EYS: variants seen among roughly 807,000 people sequenced by gnomAD.
EYS encodes protein eyes shut homolog.
A neutral mutation model predicts 282.1 loss-of-function variants in EYS; 250 were observed. The observed-to-expected ratio is 0.89, with a 90% CI of 0.80 to 0.98. EYS has a LOEUF of 0.98. Among genes scored for constraint, EYS ranks in the 50% least tolerant of loss-of-function variants. The probability of loss-of-function intolerance (pLI) is 0.00; values close to 1 mark genes in which losing one functional copy is unlikely to be tolerated. For synonymous variants in EYS, 1,355 were observed against 1,282.9 expected, an observed-to-expected ratio of 1.06 and a Z score of -1.20; for missense variants, 4,016 against 3,709.0, an observed-to-expected ratio of 1.08 and a Z score of -2.15.
intron 26 of EYS, among the ~76,000 whole-genome samples, chr6:64,480,165 T>C (rs1412226732): frequency 6.6e-6 from 1 of 151,966 alleles, no homozygotes; most frequent in Non-Finnish European, 1.5e-5. Context: ...GTAACTCATG[T>C]AATACTCATT....
At chr6:65,089,500 A>T (rs2150176589) in intron 12 of EYS, among the ~76,000 whole-genome samples, 1 of 152,192 alleles carries the variant, frequency 6.6e-6, no homozygotes, top group Non-Finnish European at 1.5e-5. Context: ...AATTTCTCCC[A>T]TTTGGAATGG....
At chr6:65,614,615 G>T (rs1766120244) in intron 2 of EYS, among the ~76,000 whole-genome samples, 1 of 152,018 alleles carries the variant, frequency 6.6e-6, no homozygotes, top group African/African-American at 2.4e-5. Context: ...TGAACTAGGT[G>T]TACTTAAAAT....
chr6:65,442,574 A>G (rs1055779159), intron 5 of EYS, among the ~76,000 whole-genome samples: 6 of 151,800 alleles, frequency 4.0e-5, no homozygotes, highest in African/African-American at 1.5e-4. Context: ...TAACATAGTG[A>G]AACCCCGTCT....
intron 12 of EYS, among the ~76,000 whole-genome samples, chr6:65,203,678 T>C (rs1430382747): frequency 6.6e-6 from 1 of 152,112 alleles, no homozygotes; most frequent in African/African-American, 2.4e-5. Context: ...ACGGATATTA[T>C]GACACATGTT....
Position 65,181,566 on chromosome 6 carries a change from T to C in EYS, c.2023+114297A>G, listed in dbSNP as rs183615003. ...TAAAAAGTCAGGAAACAACAGGTGC[T>C]GGAGAGGATATGGAGAAATAGGAAC... On this transcript the variant is annotated intron_variant, in intron 12 of 42. Transcript: ENST00000503581. 3.8e-3 allele frequency among the ~76,000 whole-genome samples: 585 copies of C among 152,210 alleles called. 1 individual carries two copies. Among genetic ancestry groups the C allele is most frequent in the Middle Eastern group, 0.01 (3 of 294 alleles).
intron 22 of EYS, among the ~76,000 whole-genome samples, chr6:64,636,719 C>A (rs1201176311): frequency 1.3e-5 from 2 of 152,062 alleles, no homozygotes; most frequent in Admixed American, 6.5e-5. Context: ...CCAGAATCTA[C>A]AATGAACTCA....
Position 64,331,372 on chromosome 6 carries a change from C to T in EYS, c.6079-24290G>A, listed in dbSNP as rs112769241. 4.2e-3 allele frequency among the ~76,000 whole-genome samples: 643 copies of T among 152,020 alleles called. 5 individuals carry two copies. Among genetic ancestry groups the T allele is most frequent in the African/African-American group, 0.014 (597 of 41,462 alleles). On this transcript the variant is annotated intron_variant, in intron 29 of 42. Transcript: ENST00000503581. Reference sequence around the variant, plus strand: ...AAGGGCATCAAACAGGAGGGCGTGACGAGGCTAGAGGAAACAGAAAGGCGA... The same window carrying T: ...AAGGGCATCAAACAGGAGGGCGTGATGAGGCTAGAGGAAACAGAAAGGCGA...
At chr6:65,434,134 C>A (rs1040082121) in intron 5 of EYS, among the ~76,000 whole-genome samples, 12 of 152,138 alleles carry the variant, frequency 7.9e-5, no homozygotes, top group Non-Finnish European at 1.0e-4. Flanking sequence ...GTGAATAGTG[C>A]AGCATAGTGC....
intron 8 of EYS, among the ~76,000 whole-genome samples, chr6:65,361,657 A>G (rs1232780095): frequency 6.6e-6 from 1 of 151,838 alleles, no homozygotes; most frequent in Non-Finnish European, 1.5e-5. Flanking sequence ...CTATTTACAT[A>G]TTTTGTAGAA....
At chr6:65,184,018 A>G (rs1407013604) in intron 12 of EYS, among the ~76,000 whole-genome samples, 1 of 151,266 alleles carries the variant, frequency 6.6e-6, no homozygotes, top group Non-Finnish European at 1.5e-5. Flanking sequence ...ATTTGACTAA[A>G]GTAAATTCAT....
intron 23 of EYS, among the ~76,000 whole-genome samples, chr6:64,624,934 G>A (rs1000829138): frequency 4.6e-5 from 7 of 152,112 alleles, no homozygotes; most frequent in Non-Finnish European, 8.8e-5. Flanking sequence ...GCTATCCACA[G>A]ATACAATCAA....
chr6:64,776,908 C>A (rs1017787754), intron 22 of EYS, among the ~76,000 whole-genome samples: 12 of 152,098 alleles, frequency 7.9e-5, no homozygotes, highest in African/African-American at 2.7e-4. Flanking sequence ...GCTATAAGGA[C>A]ATGCCTGAGG....
intron 35 of EYS, among the ~76,000 whole-genome samples, chr6:63,911,642 A>G (rs1562092622): frequency 6.6e-6 from 1 of 152,250 alleles, no homozygotes; most frequent in Non-Finnish European, 1.5e-5. Flanking sequence ...CTTGTTAGAT[A>G]TTATGGTCTC....
At chr6:65,383,636 C>T (rs573815710) in intron 8 of EYS, among the ~76,000 whole-genome samples, 1 of 151,350 alleles carries the variant, frequency 6.6e-6, no homozygotes, top group South Asian at 2.1e-4. Flanking sequence ...TTTGTACTCT[C>T]CCTGATTTCA....
At chr6:65,065,885 C>T (rs1773730352) in intron 12 of EYS, among the ~76,000 whole-genome samples, 1 of 152,146 alleles carries the variant, frequency 6.6e-6, no homozygotes, top group Non-Finnish European at 1.5e-5. Flanking sequence ...TTCCTATGGT[C>T]CTTGCTATTA....
chr6:64,108,674 G>A lies in EYS; in HGVS notation c.6425-26672C>T, dbSNP rs528206406. On this transcript the variant is annotated intron_variant, in intron 31 of 42. Transcript: ENST00000503581. ...TAAAATGTCACCTGACTCTGAAAAGGTTATGGAAGAATGACTCCCACACAG... is the reference window on the plus strand; with the variant it reads ...TAAAATGTCACCTGACTCTGAAAAGATTATGGAAGAATGACTCCCACACAG... Among the ~76,000 whole-genome samples, 10 of 151,994 alleles carry A rather than the reference G, an allele frequency of 6.6e-5. No homozygotes were observed. In the South Asian group the frequency reaches 1.0e-3, roughly 16 times the overall value.
intron 1 of EYS, among the ~76,000 whole-genome samples, chr6:65,652,096 T>G (rs960602423): frequency 6.6e-6 from 1 of 151,774 alleles, no homozygotes; most frequent in Non-Finnish European, 1.5e-5. Context: ...AAAACAACTA[T>G]AAAAATGTGT....
At chr6:65,400,809 T>C (rs1031193894) in intron 7 of EYS, among the ~76,000 whole-genome samples, 2 of 151,912 alleles carry the variant, frequency 1.3e-5, no homozygotes, top group Non-Finnish European at 2.9e-5. Context: ...TTGACTCCTT[T>C]TCACCTTGAC....
intron 22 of EYS, among the ~76,000 whole-genome samples, chr6:64,674,516 T>C (rs9342366): frequency 0.015 from 2,291 of 152,208 alleles, 50 homozygotes; most frequent in East Asian, 0.11. Flanking sequence ...AGAGAGTTTC[T>C]TAAAGCAGAG....
Sources: gnomAD v4.1 joint callset for allele counts (sites outside exome capture counted in the v4.1 genomes callset) on GRCh38, gnomAD v4.1.1 for gene constraint, MANE v1.5 for transcripts, NCBI Gene and HGNC (gene_info 2026-07-23, HGNC 2026-07-21) for gene names.